MAPKAPK2: variants seen among roughly 807,000 people sequenced by gnomAD.
The protein encoded by MAPKAPK2 is MAPK activated protein kinase 2.
In MAPKAPK2, 9 loss-of-function variants were observed where a neutral mutation model predicts 48.8. The observed-to-expected ratio is 0.18, with a 90% CI of 0.11 to 0.32. MAPKAPK2 has a LOEUF of 0.32. Among genes scored for constraint, MAPKAPK2 ranks in the 10% least tolerant of loss-of-function variants. MAPKAPK2 has a pLI of 1.00. For synonymous variants in MAPKAPK2, 202 were observed against 190.6 expected (o/e 1.06, Z -0.49); for missense variants, 331 against 498.3 (o/e 0.66, Z 3.20).
chr1:206,727,953 G>A (rs1033994639), intron 1 of MAPKAPK2, among the ~76,000 whole-genome samples: 1 of 152,150 alleles, frequency 6.6e-6, no homozygotes, highest in Non-Finnish European at 1.5e-5. Context: ...TTGGCCAGTT[G>A]AGTTGTAGGC....
chr1:206,712,181 A>C (rs969712837), intron 1 of MAPKAPK2, among the ~76,000 whole-genome samples: 1 of 152,192 alleles, frequency 6.6e-6, no homozygotes, highest in Non-Finnish European at 1.5e-5. Flanking sequence ...TCTTAGAAGC[A>C]GCTTTTAACA....
chr1:206,685,431 C>G lies in MAPKAPK2; in HGVS notation c.202C>G (p.Gln68Glu). Residue 68 changes from glutamine (Q) to glutamate (E), a missense_variant, in exon 1 of 10, where the codon CAG becomes GAG. Coordinates refer to ENST00000367103, the MANE Select transcript of MAPKAPK2 (RefSeq NM_032960.4). ...AIIDDYKVTSQVLGLGINGKV... is the reference protein window; with the variant it reads ...AIIDDYKVTSEVLGLGINGKV... Reference sequence around the variant, plus strand: ...CATCGATGACTACAAGGTCACCAGCCAGGTCCTGGGGCTGGGCATCAACGG... The same window carrying G: ...CATCGATGACTACAAGGTCACCAGCGAGGTCCTGGGGCTGGGCATCAACGG... 8.4e-6 allele frequency: 13 copies of G among 1,548,682 alleles called. No individual in the cohort carries two copies. The highest frequency in any genetic ancestry group is 1.0e-5 in the Non-Finnish European group (12 of 1,143,104).
At chr1:206,712,971 C>CACAT (rs1171612795) in intron 1 of MAPKAPK2, among the ~76,000 whole-genome samples, 2 of 149,156 alleles carry the variant, frequency 1.3e-5, no homozygotes, top group African/African-American at 5.0e-5. Flanking sequence ...ATCACACACA[C>CACAT]ACACACACAC....
At chr1:206,729,924 C>A (rs781825473) in intron 4 of MAPKAPK2, 48 bp from the exon 5 acceptor site, 2 of 1,612,628 alleles carry the variant, frequency 1.2e-6, no homozygotes, top group Admixed American at 3.3e-5. Context: ...TCTGATAGCC[C>A]CTCCCAGGTC....
chr1:206,685,899 C>T (rs1430297958), intron 1 of MAPKAPK2, among the ~76,000 whole-genome samples: 2 of 152,182 alleles, frequency 1.3e-5, no homozygotes, highest in African/African-American at 2.4e-5. Flanking sequence ...TTTTCTCTCT[C>T]TGCGGGCACA....
At chr1:206,718,388 C>G (rs1673402561) in intron 1 of MAPKAPK2, among the ~76,000 whole-genome samples, 1 of 151,992 alleles carries the variant, frequency 6.6e-6, no homozygotes, top group African/African-American at 2.4e-5. Context: ...AAAAATTAGC[C>G]AGGCATGGTG....
rs782724884 is a variant in MAPKAPK2, at chr1:206,704,940, A to G, written c.279+19432A>G. On this transcript the variant is annotated intron_variant, in intron 1 of 9. Coordinates refer to ENST00000367103, the MANE Select transcript of MAPKAPK2 (RefSeq NM_032960.4). This position sits in a 1 kb window ranked among gnomAD's most constrained non-coding sequence, Gnocchi z 4.3. ...GTCCCGAGACACTCTGTGATCATCT[A>G]AACTGGGGAACAGTCTGCAATGCAC... 1.3e-5 allele frequency among the ~76,000 whole-genome samples: 2 copies of G among 152,206 alleles called. No individual in the cohort carries two copies. The highest frequency in any genetic ancestry group is 2.9e-5 in the Non-Finnish European group (2 of 68,032).
chr1:206,730,511 G>A (rs1252795556), intron 5 of MAPKAPK2, among the ~76,000 whole-genome samples, 177 bp from the exon 6 acceptor site: 1 of 152,230 alleles, frequency 6.6e-6, no homozygotes, highest in African/African-American at 2.4e-5. Flanking sequence ...GTTCCTCATG[G>A]AGGAGGATGT....
At chr1:206,708,792 C>T (rs1490422550) in intron 1 of MAPKAPK2, among the ~76,000 whole-genome samples, 5 of 152,146 alleles carry the variant, frequency 3.3e-5, no homozygotes, top group Admixed American at 6.5e-5. Flanking sequence ...CATACCCCCT[C>T]GCAAGTGATC....
chr1:206,723,912 G>T (rs1385232103), intron 1 of MAPKAPK2, among the ~76,000 whole-genome samples: 1 of 152,242 alleles, frequency 6.6e-6, no homozygotes, highest in Non-Finnish European at 1.5e-5. Flanking sequence ...TTGGCAGGGG[G>T]CCTTGCCTGT....
chr1:206,705,648 A>G (rs1472397705), intron 1 of MAPKAPK2, among the ~76,000 whole-genome samples: 2 of 152,242 alleles, frequency 1.3e-5, no homozygotes, highest in Non-Finnish European at 2.9e-5. Flanking sequence ...CACCAACCCA[A>G]GGGCATCTGG....
chr1:206,704,253 G>A lies in MAPKAPK2; in HGVS notation c.279+18745G>A, dbSNP rs1553428268. 1.3e-5 allele frequency among the ~76,000 whole-genome samples: 2 copies of A among 152,236 alleles called. No individual in the cohort carries two copies. Among genetic ancestry groups the A allele is most frequent in the African/African-American group, 2.4e-5 (1 of 41,456 alleles). ...TGGGAAATGTTGAAGATTTACGCCTGTCTGAGTGTCTCTCACTCGTTGTTA... is the reference window on the plus strand; with the variant it reads ...TGGGAAATGTTGAAGATTTACGCCTATCTGAGTGTCTCTCACTCGTTGTTA... On this transcript the variant is annotated intron_variant, in intron 1 of 9. Coordinates refer to ENST00000367103, the MANE Select transcript of MAPKAPK2 (RefSeq NM_032960.4). This position sits in a 1 kb window ranked among gnomAD's most constrained non-coding sequence, Gnocchi z 4.3.
At chr1:206,698,661 C>T (rs1553427423) in intron 1 of MAPKAPK2, among the ~76,000 whole-genome samples, 1 of 152,164 alleles carries the variant, frequency 6.6e-6, no homozygotes. Flanking sequence ...TCTTGTTAAT[C>T]CTTAAAATAA....
chr1:206,698,805 A>G (rs1487614852), intron 1 of MAPKAPK2, among the ~76,000 whole-genome samples: 3 of 152,278 alleles, frequency 2.0e-5, no homozygotes, highest in South Asian at 4.2e-4. Context: ...ATACATCAGT[A>G]TATAAAACAG....
intron 1 of MAPKAPK2, among the ~76,000 whole-genome samples, chr1:206,706,300 C>T (rs1553428546): frequency 2.0e-5 from 3 of 152,114 alleles, no homozygotes; most frequent in Admixed American, 1.3e-4. Context: ...TGGCCACAGC[C>T]ACAGAGACCC....
intron 2 of MAPKAPK2, 50 bp downstream of exon 2, chr1:206,728,899 T>C: frequency 1.9e-6 from 3 of 1,612,162 alleles, no homozygotes; most frequent in Non-Finnish European, 2.5e-6. Flanking sequence ...CACTCCTCAC[T>C]CAGGCACCTT....
chr1:206,729,909 T>A, intron 4 of MAPKAPK2, 63 bp from the exon 5 acceptor site: 6 of 1,604,930 alleles, frequency 3.7e-6, no homozygotes, highest in Non-Finnish European at 4.3e-6. Context: ...AGGATCCTTT[T>A]CGTTTCTGAT....
chr1:206,700,875 A>G (rs1672773231), intron 1 of MAPKAPK2, among the ~76,000 whole-genome samples: 1 of 150,210 alleles, frequency 6.7e-6, no homozygotes, highest in Admixed American at 6.6e-5. Context: ...GCTCTGGGGA[A>G]GCTGGGAAAT....
At position 206,689,143 on chromosome 1, in the gene MAPKAPK2, T is replaced by C. The variant is rs77529213; in HGVS notation, c.279+3635T>C. Among the ~76,000 whole-genome samples, 787 of 152,318 alleles carry C rather than the reference T, an allele frequency of 5.2e-3. 6 individuals carry two copies. The highest frequency in any genetic ancestry group is 0.018 in the African/African-American group (738 of 41,562). On this transcript the variant is annotated intron_variant, in intron 1 of 9. Coordinates refer to ENST00000367103, the MANE Select transcript of MAPKAPK2 (RefSeq NM_032960.4). ...AAGCATGTTACTGCTTTATAAAATATAGAATGTTGTCGTAACTTATCTCTG... is the reference window on the plus strand; with the variant it reads ...AAGCATGTTACTGCTTTATAAAATACAGAATGTTGTCGTAACTTATCTCTG...
Sources: allele counts gnomAD v4.1 joint callset (sites outside exome capture counted in the v4.1 genomes callset), GRCh38; gene constraint gnomAD v4.1.1; non-coding constraint Gnocchi (gnomAD v3.1); transcripts MANE v1.5; gene names NCBI Gene and HGNC (gene_info 2026-07-23, HGNC 2026-07-21).